The following MRPL13 variants were observed in gnomAD, a reference collection of about 807,000 sequenced individuals.
The protein encoded by MRPL13 is large ribosomal subunit protein uL13m.
A neutral mutation model predicts 29.0 loss-of-function variants in MRPL13; 33 were observed. The ratio of observed to expected loss-of-function variants is 1.14; its 90% confidence interval spans 0.86 to 1.52. MRPL13 has a LOEUF of 1.52. Among genes scored for constraint, MRPL13 ranks in the 40% most tolerant of loss-of-function variants. MRPL13 has a pLI of 0.00. For synonymous variants in MRPL13, 77 were observed against 68.4 expected, an observed-to-expected ratio of 1.13 and a Z score of -0.62; for missense variants, 227 against 216.7, an observed-to-expected ratio of 1.05 and a Z score of -0.30.
chr8:120,414,096 A>G lies in MRPL13; in HGVS notation c.410T>C (p.Ile137Thr), dbSNP rs375407917. 3 of 1,583,650 alleles carry G rather than the reference A, an allele frequency of 1.9e-6. No individual in the cohort carries two copies. The highest frequency in any genetic ancestry group is 1.7e-6 in the Non-Finnish European group (2 of 1,169,458). ...AAGCTCCTCTACTAAATTCTTAAGAATATCTTCTGGAATATACTACATTAA... is the reference window on the plus strand; with the variant it reads ...AAGCTCCTCTACTAAATTCTTAAGAGTATCTTCTGGAATATACTACATTAA... ...LFPDEYIPED[I>T]LKNLVEELPQ... The change falls in exon 6 of 7, where the codon ATT becomes ACT. Residue 137 changes from isoleucine to threonine, a missense_variant. By Grantham distance (89) the Ile-to-Thr change is moderately conservative (BLOSUM62 -1). Coordinates refer to ENST00000306185, the MANE Select transcript of MRPL13 (RefSeq NM_014078.6).
In MRPL13 at chr8:120,395,923, A is replaced by G; in HGVS notation, c.*181T>C. 1.9e-6 allele frequency: 1 copy of G among 516,886 alleles called. No individual in the cohort carries two copies. Among genetic ancestry groups the G allele is most frequent in the Non-Finnish European group, 3.5e-6 (1 of 288,272 alleles). The allele number at this position is 516,886 out of a possible 1,614,324, so 32.0% of individuals were successfully genotyped here. On this transcript the variant is annotated 3_prime_UTR_variant, in exon 7 of 7. Transcript: ENST00000306185. ...TACATAAAAATGGTTCTATAAAATT[A>G]TATTTTAATTACAATTTCCTATTGA...
intron 4 of MRPL13, among the ~76,000 whole-genome samples, chr8:120,420,794 T>A (rs1269321792): frequency 1.3e-5 from 2 of 151,988 alleles, no homozygotes; most frequent in Non-Finnish European, 2.9e-5. Flanking sequence ...TAAAGGCATT[T>A]TATTGTATTA....
At position 120,413,980 on chromosome 8, in the gene MRPL13, GA is replaced by G; in HGVS notation, c.515+10del. ...AAAAGAAAAAAAAACAAGAAGAAGGGAAACACTTACGGAGTCCACAATCTTG... is the reference window on the plus strand; with the variant it reads ...AAAAGAAAAAAAAACAAGAAGAAGGGAACACTTACGGAGTCCACAATCTTG... On this transcript the variant is annotated intron_variant, in intron 6 of 6. Transcript: ENST00000306185. 6.6e-7 allele frequency: 1 copy of G among 1,520,284 alleles called. No homozygotes were observed. Among genetic ancestry groups the G allele is most frequent in the East Asian group, 2.4e-5 (1 of 41,682 alleles). 94.2% of individuals were successfully genotyped at this position (1,520,284 alleles called of 1,614,324 possible).
intron 6 of MRPL13, among the ~76,000 whole-genome samples, chr8:120,409,839 C>T (rs1812721743): frequency 6.6e-6 from 1 of 152,052 alleles, no homozygotes; most frequent in East Asian, 1.9e-4. Context: ...CAATTTCATT[C>T]CTTATCTCCT....
Position 120,396,043 on chromosome 8 carries a change from A to G in MRPL13, c.*61T>C. ...TGTTTTACTCCATCCTGTAGGTTAG[A>G]GAAACTCATCAGAAGAAAGTTTCAA... On this transcript the variant is annotated 3_prime_UTR_variant, in exon 7 of 7. Transcript: ENST00000306185. 1 of 1,408,620 alleles carries G rather than the reference A, an allele frequency of 7.1e-7. No individual in the cohort carries two copies. Among genetic ancestry groups the G allele is most frequent in the Non-Finnish European group, 9.9e-7 (1 of 1,012,406 alleles). 87.3% of individuals were successfully genotyped at this position (1,408,620 alleles called of 1,614,324 possible).
At chr8:120,414,259 A>G (rs1162300845) in intron 5 of MRPL13, 147 bp from the exon 6 acceptor site, 3 of 641,168 alleles carry the variant, frequency 4.7e-6, no homozygotes, top group African/African-American at 3.8e-5. Flanking sequence ...AAAACCTTAT[A>G]AAAATTCCCC....
chr8:120,407,778 G>T (rs1812692971), intron 6 of MRPL13, among the ~76,000 whole-genome samples: 2 of 152,134 alleles, frequency 1.3e-5, no homozygotes, highest in African/African-American at 4.8e-5. Context: ...CCAGGAAATT[G>T]AGTGTAGCTT....
chr8:120,443,083 A>G, intron 2 of MRPL13, 102 bp downstream of exon 2: 1 of 1,161,792 alleles, frequency 8.6e-7, no homozygotes, highest in South Asian at 3.1e-5. Context: ...TCCTCAGGAA[A>G]AATAAAAAGG....
intron 6 of MRPL13, among the ~76,000 whole-genome samples, chr8:120,400,703 A>C (rs1812582946): frequency 9.4e-6 from 1 of 106,374 alleles, no homozygotes; most frequent in South Asian, 2.7e-4. Flanking sequence ...TTGGAAAATA[A>C]ATAAATAAAT....
At chr8:120,435,534 T>C (rs1270158025) in intron 2 of MRPL13, among the ~76,000 whole-genome samples, 1 of 152,206 alleles carries the variant, frequency 6.6e-6, no homozygotes, top group East Asian at 1.9e-4. Flanking sequence ...GCAAAGGACA[T>C]GATCTCATTT....
chr8:120,428,134 A>G (rs2130475812), intron 3 of MRPL13, among the ~76,000 whole-genome samples: 1 of 148,976 alleles, frequency 6.7e-6, no homozygotes, highest in South Asian at 2.1e-4. Context: ...GATAAAAAAA[A>G]AAAAAAAAAA....
chr8:120,443,365 A>G (rs1437046090), intron 1 of MRPL13, 57 bp from the exon 2 acceptor site: 6 of 1,364,670 alleles, frequency 4.4e-6, no homozygotes, highest in Non-Finnish European at 5.8e-6. Context: ...TTATCATTAA[A>G]ATGGAAATAC....
chr8:120,430,787 C>A (rs1407020704), intron 3 of MRPL13, among the ~76,000 whole-genome samples: 4 of 152,190 alleles, frequency 2.6e-5, no homozygotes, highest in African/African-American at 4.8e-5. Context: ...AGGGACACTA[C>A]CAGCTGACGT....
intron 6 of MRPL13, among the ~76,000 whole-genome samples, chr8:120,400,149 C>T (rs372917220): frequency 2.6e-5 from 4 of 152,304 alleles, no homozygotes; most frequent in South Asian, 4.1e-4. Context: ...TAGATATCTA[C>T]AGAACTCTGC....
intron 2 of MRPL13, among the ~76,000 whole-genome samples, chr8:120,441,090 C>A (rs929526214): frequency 1.3e-5 from 2 of 151,714 alleles, no homozygotes; most frequent in Non-Finnish European, 2.9e-5. Flanking sequence ...TAAGGCAAAG[C>A]CTTCAAACCA....
chr8:120,396,353 C>T (rs1812524777), intron 6 of MRPL13, among the ~76,000 whole-genome samples: 1 of 151,980 alleles, frequency 6.6e-6, no homozygotes, highest in South Asian at 2.1e-4. Flanking sequence ...ATATAAGCCA[C>T]CTTGTGCCTA....
chr8:120,402,327 A>G (rs1349132496), intron 6 of MRPL13, among the ~76,000 whole-genome samples: 2 of 152,196 alleles, frequency 1.3e-5, no homozygotes, highest in East Asian at 1.9e-4. Context: ...AACAGAATTG[A>G]GAACTCAGAA....
At chr8:120,413,790 T>A (rs74598635) in intron 6 of MRPL13, among the ~76,000 whole-genome samples, 3 of 152,136 alleles carry the variant, frequency 2.0e-5, no homozygotes, top group Non-Finnish European at 4.4e-5. Flanking sequence ...CTCGCACTTA[T>A]CTAGCAAGGT....
At chr8:120,440,963 C>A (rs887021088) in intron 2 of MRPL13, among the ~76,000 whole-genome samples, 1 of 151,484 alleles carries the variant, frequency 6.6e-6, no homozygotes, top group Non-Finnish European at 1.5e-5. Flanking sequence ...ATGAGACGTG[C>A]CAGAGTTCAG....
Sources: allele counts gnomAD v4.1 joint callset (sites outside exome capture counted in the v4.1 genomes callset), GRCh38; gene constraint gnomAD v4.1.1; transcripts MANE v1.5; gene names NCBI Gene and HGNC (gene_info 2026-07-23, HGNC 2026-07-21).